The following GPR137B variants were observed in gnomAD, a reference collection of about 807,000 sequenced individuals.
The protein encoded by GPR137B is G protein-coupled receptor 137B, also known as integral membrane protein GPR137B.
Under a neutral mutation model 42.5 loss-of-function variants are expected in GPR137B, and 42 were observed. The observed-to-expected ratio is 0.99, with a 90% CI of 0.77 to 1.28. The LOEUF is 1.28. Among genes scored for constraint, GPR137B ranks in the 50% most tolerant of loss-of-function variants. The pLI, the probability that GPR137B is intolerant of heterozygous loss-of-function variation, is 0.00. For synonymous variants in GPR137B, 218 were observed against 209.7 expected (o/e 1.04, Z -0.34); for missense variants, 487 against 493.9 (o/e 0.99, Z 0.13).
At position 236,192,390 on chromosome 1, in the gene GPR137B, C is replaced by A. The variant is rs7530356; in HGVS notation, c.966+8484C>A. Among the ~76,000 whole-genome samples the A allele has an allele frequency of 2.0e-3, 296 of 149,886 alleles. 1 individual carries two copies. Among genetic ancestry groups the A allele is most frequent in the African/African-American group, 6.4e-3 (261 of 40,844 alleles). On this transcript the variant is annotated intron_variant, in intron 5 of 6. Transcript: ENST00000366592. ...TGGGGTATGGGGAAAAAAAAAAAAACAAAAAACCTCCTGCAGCTGGTTCAG... is the reference window on the plus strand; with the variant it reads ...TGGGGTATGGGGAAAAAAAAAAAAAAAAAAAACCTCCTGCAGCTGGTTCAG...
At chr1:236,185,009 C>T (rs1340196302) in intron 5 of GPR137B, among the ~76,000 whole-genome samples, 4 of 152,170 alleles carry the variant, frequency 2.6e-5, no homozygotes, top group Middle Eastern at 3.4e-3. Flanking sequence ...TCAGGTGATC[C>T]GACCGCCTCA....
chr1:236,205,323 A>AAAAG (rs1663626409), intron 6 of GPR137B, 73 bp downstream of exon 6: 19 of 1,349,418 alleles, frequency 1.4e-5, no homozygotes, highest in Non-Finnish European at 1.9e-5. Flanking sequence ...GATTCAAGCT[A>AAAAG]AAAGAAAATT....
At chr1:236,199,099 A>G (rs908486211) in intron 5 of GPR137B, among the ~76,000 whole-genome samples, 4 of 152,130 alleles carry the variant, frequency 2.6e-5, no homozygotes, top group Admixed American at 2.0e-4. Flanking sequence ...TGAGGGCTTT[A>G]GTCCTAAACA....
chr1:236,144,105 A>G (rs1038917061), intron 1 of GPR137B, among the ~76,000 whole-genome samples: 4 of 150,630 alleles, frequency 2.7e-5, no homozygotes, highest in African/African-American at 9.8e-5. Flanking sequence ...TTTTTTTGAG[A>G]AAAAGTCACT....
rs76508144 is a variant in GPR137B, at chr1:236,165,468, T to C, written c.415-3238T>C. On this transcript the variant is annotated intron_variant, in intron 1 of 6. Transcript: ENST00000366592. ...TCATCCTTCCCTTTCAGGGCTAGAA[T>C]GGTGAACTCCAGGGCCCTCTTGTAC... Among the ~76,000 whole-genome samples, 948 of 152,344 alleles carry C rather than the reference T, an allele frequency of 6.2e-3. 18 individuals are homozygous for C. The highest frequency in any genetic ancestry group is 0.022 in the African/African-American group (913 of 41,578).
chr1:236,151,417 CATTTTT>C lies in GPR137B; in HGVS notation c.414+8382_414+8387del, dbSNP rs1473596016. ...CCACATATGGTCTCTGTTGCATATT[CATTTTT>C]TTTTTTTTTTTTTTTTTTTGAGACA... On this transcript the variant is annotated intron_variant, in intron 1 of 6. Coordinates refer to ENST00000366592, the MANE Select transcript of GPR137B (RefSeq NM_003272.4). Among the ~76,000 whole-genome samples the C allele has an allele frequency of 9.5e-5, 12 of 126,608 alleles. No individual in the cohort carries two copies. The East Asian group carries it at 2.6e-3, about 27-fold the overall frequency. The allele number at this position is 126,608 out of a possible 152,430, so 83.1% of individuals were successfully genotyped here. A position where few individuals can be genotyped will look rare whatever the true frequency, so the allele number is the denominator to read the frequency against.
At chr1:236,200,545 AT>A (rs1663463753) in intron 5 of GPR137B, among the ~76,000 whole-genome samples, 1 of 151,954 alleles carries the variant, frequency 6.6e-6, no homozygotes. Context: ...GTGCATATAT[AT>A]TTAGGATTGT....
At chr1:236,145,880 CTTTTT>C (rs2102887469) in intron 1 of GPR137B, among the ~76,000 whole-genome samples, 1 of 152,168 alleles carries the variant, frequency 6.6e-6, no homozygotes, top group South Asian at 2.1e-4. Context: ...TGTGAAACCT[CTTTTT>C]ATTTTATTTT....
intron 5 of GPR137B, among the ~76,000 whole-genome samples, chr1:236,200,380 A>G (rs906339826): frequency 5.9e-5 from 9 of 152,020 alleles, no homozygotes; most frequent in African/African-American, 2.4e-5. Context: ...GTTCTAGGGT[A>G]TAATTTAAGT....
intron 1 of GPR137B, among the ~76,000 whole-genome samples, chr1:236,158,286 G>A (rs927012608): frequency 6.6e-6 from 1 of 152,180 alleles, no homozygotes; most frequent in African/African-American, 2.4e-5. Context: ...TTTGCCGGGT[G>A]TGGTTGCACG....
intron 3 of GPR137B, among the ~76,000 whole-genome samples, chr1:236,179,447 C>T (rs1225312226): frequency 1.3e-5 from 2 of 152,122 alleles, no homozygotes; most frequent in East Asian, 1.9e-4. Context: ...CAGACAGAGC[C>T]GTCCTGAGCT....
chr1:236,185,260 G>A (rs1476072022), intron 5 of GPR137B, among the ~76,000 whole-genome samples: 1 of 152,156 alleles, frequency 6.6e-6, no homozygotes, highest in Non-Finnish European at 1.5e-5. Flanking sequence ...GGAATACACT[G>A]CAGGTGGGGC....
In GPR137B at chr1:236,178,552, C is replaced by A; in HGVS notation, c.603C>A (p.Leu201=). The change falls in exon 3 of 7, where the codon CTC becomes CTA. Residue 201 remains leucine, a synonymous_variant. Coordinates refer to ENST00000366592, the MANE Select transcript of GPR137B (RefSeq NM_003272.4). ...TGCGAGTGGCCATTAATGACACGCT[C>A]TTCGTGCTGTGTGCCGTCTCTCTCT... ...VSVRVAINDT[L]FVLCAVSLSI... is the part of the protein sequence containing the mutation. The A allele has an allele frequency of 6.2e-7, 1 of 1,613,240 alleles. No homozygotes were observed. The highest frequency in any genetic ancestry group is 1.1e-5 in the South Asian group (1 of 91,046).
At chr1:236,205,086 G>A in intron 5 of GPR137B, 40 bp from the exon 6 acceptor site, 7 of 1,558,960 alleles carry the variant, frequency 4.5e-6, no homozygotes, top group Non-Finnish European at 6.1e-6. Context: ...TGCAAGGCAT[G>A]ATGTCTGTAA....
At chr1:236,170,088 TG>T (rs1662489720) in intron 2 of GPR137B, among the ~76,000 whole-genome samples, 1 of 142,654 alleles carries the variant, frequency 7.0e-6, no homozygotes, top group Admixed American at 7.0e-5. Flanking sequence ...TGACTGGGGT[TG>T]GGGGAGGAGA....
intron 5 of GPR137B, among the ~76,000 whole-genome samples, chr1:236,188,466 A>G (rs12034841): frequency 0.23 from 34,615 of 151,946 alleles, 5,376 homozygotes; most frequent in African/African-American, 0.44. Context: ...GTTTGTCATA[A>G]ATAGCTATTA....
chr1:236,200,506 T>C (rs1224892585), intron 5 of GPR137B, among the ~76,000 whole-genome samples: 1 of 152,028 alleles, frequency 6.6e-6, no homozygotes, highest in Non-Finnish European at 1.5e-5. Context: ...ATAATAATTG[T>C]TTTATAAATT....
At chr1:236,182,095 A>G (rs913298475) in intron 4 of GPR137B, among the ~76,000 whole-genome samples, 1 of 151,902 alleles carries the variant, frequency 6.6e-6, no homozygotes, top group Non-Finnish European at 1.5e-5. Context: ...GTTTCATCAT[A>G]TAGGCCAGGC....
At position 236,155,236 on chromosome 1, in the gene GPR137B, G is replaced by A. The variant is rs1398625138; in HGVS notation, c.414+12200G>A. Among the ~76,000 whole-genome samples, 6 of 152,216 alleles carry A rather than the reference G, an allele frequency of 3.9e-5. No homozygotes were observed. The highest frequency in any genetic ancestry group is 7.3e-5 in the Non-Finnish European group (5 of 68,036). ...GCGGGGCTTCCAGGGCGGAGGACAC[G>A]GGCTGACACGGGCTGTCCCTGGGAA... On this transcript the variant is annotated intron_variant, in intron 1 of 6. Transcript: ENST00000366592. This position sits in a 1 kb window ranked among gnomAD's most constrained non-coding sequence, Gnocchi z 4.6.
Sources: allele counts gnomAD v4.1 joint callset (sites outside exome capture counted in the v4.1 genomes callset), GRCh38; gene constraint gnomAD v4.1.1; non-coding constraint Gnocchi (gnomAD v3.1); transcripts MANE v1.5; gene names NCBI Gene and HGNC (gene_info 2026-07-23, HGNC 2026-07-21).